Variants in TMC8 observed in about 807,000 individuals in gnomAD.
TMC8 encodes the protein transmembrane channel like 8.
In TMC8, 71 loss-of-function variants were observed where a neutral mutation model predicts 76.0. The ratio of observed to expected loss-of-function variants is 0.93; its 90% CI spans 0.77 to 1.14. The LOEUF (loss-of-function observed/expected upper bound fraction) is 1.14. Ranked by LOEUF, TMC8 falls within the 50% of genes most tolerant of loss-of-function variation. The pLI is 0.00. For missense variants in TMC8, 924 were observed against 947.9 expected (o/e 0.97, Z 0.33); for synonymous variants, 433 against 433.8 (o/e 1.00, Z 0.02).
intron 14 of TMC8, 196 bp downstream of exon 14, chr17:78,138,928 G>A (rs771824381): frequency 1.3e-6 from 2 of 1,536,416 alleles, no homozygotes; most frequent in South Asian, 2.4e-5. Flanking sequence ...CACTGGGGAA[G>A]CACCGTGTCT....
intron 6 of TMC8, 118 bp from the exon 7 acceptor site, chr17:78,133,735 T>C: frequency 1.3e-6 from 2 of 1,555,090 alleles, no homozygotes; most frequent in Non-Finnish European, 1.8e-6. Flanking sequence ...GACTCCTCAC[T>C]CACCAGGACC....
intron 12 of TMC8, 21 bp from the exon 13 acceptor site, chr17:78,138,328 T>G (rs1390305643): frequency 6.2e-7 from 1 of 1,610,628 alleles, no homozygotes; most frequent in Admixed American, 1.7e-5. Context: ...GACTCCTGGT[T>G]GCTATTGCTT....
chr17:78,134,364 A>G, intron 7 of TMC8, 30 bp from the exon 8 acceptor site: 1 of 1,604,822 alleles, frequency 6.2e-7, no homozygotes, highest in Middle Eastern at 1.7e-4. Flanking sequence ...CCCCGCCTGC[A>G]GCTGCCTCTG....
At chr17:78,132,565 G>A (rs1340978225) in intron 4 of TMC8, 57 bp downstream of exon 4, 3 of 1,573,224 alleles carry the variant, frequency 1.9e-6, no homozygotes, top group East Asian at 2.3e-5. Flanking sequence ...CCATGGGGGG[G>A]CTGGCCCAGG....
Position 78,131,369 on chromosome 17 carries a change from T to A in TMC8, c.-220T>A. Reference sequence around the variant, plus strand: ...TCGACCGCAGCAGGATTCTCTCTCATTTCTGAGCCCCGGAGGTGGCAGAGC... The same window carrying A: ...TCGACCGCAGCAGGATTCTCTCTCAATTCTGAGCCCCGGAGGTGGCAGAGC... On this transcript the variant is annotated 5_prime_UTR_variant, in exon 2 of 16. Coordinates refer to ENST00000318430, the MANE Select transcript of TMC8 (RefSeq NM_152468.5). 1 of 637,606 alleles carries A rather than the reference T, an allele frequency of 1.6e-6. No homozygotes were observed. Among genetic ancestry groups the A allele is most frequent in the Non-Finnish European group, 2.7e-6 (1 of 370,268 alleles). The allele number at this position is 637,606 out of a possible 1,614,324, so 39.5% of individuals were successfully genotyped here.
chr17:78,137,051 G>A (rs149218656), intron 9 of TMC8, 184 bp from the exon 10 acceptor site: 4 of 809,414 alleles, frequency 4.9e-6, no homozygotes, highest in East Asian at 2.9e-5. Flanking sequence ...CCCATGAATC[G>A]CCTGGAGACT....
At chr17:78,132,934 G>A (rs1598902757) in intron 5 of TMC8, 64 bp downstream of exon 5, 10 of 1,567,288 alleles carry the variant, frequency 6.4e-6, no homozygotes, top group Admixed American at 1.7e-5. Flanking sequence ...GGCTTCAGGG[G>A]ACACAAGTCT....
At position 78,139,237 on chromosome 17, in the gene TMC8, G is replaced by C. The variant is rs1396612990; in HGVS notation, c.1899G>C (p.Val633=). ...TCCACAGGCTCCGGAAGCAGCTGGT[G>C]TGGGTGAGTGTCCTCGGGGCTGGTG... The part of the protein sequence containing the change: ...RAIHRLRKQL[V]WQVQEKWHLV... The change falls in exon 15 of 16, where the codon GTG becomes GTC. Residue 633 remains valine (V), a synonymous_variant. Transcript: ENST00000318430. 1.2e-6 allele frequency: 2 copies of C among 1,613,370 alleles called. No individual in the cohort carries two copies. Among genetic ancestry groups the C allele is most frequent in the Non-Finnish European group, 8.5e-7 (1 of 1,180,020 alleles).
chr17:78,133,662 G>T, intron 6 of TMC8, 120 bp downstream of exon 6: 1 of 1,561,660 alleles, frequency 6.4e-7, no homozygotes, highest in Non-Finnish European at 8.7e-7. Context: ...CAGGCTCCTG[G>T]GTGCTTCCTC....
intron 3 of TMC8, 54 bp from the exon 4 acceptor site, chr17:78,132,305 G>GGCCC: frequency 1.9e-6 from 3 of 1,602,806 alleles, no homozygotes; most frequent in South Asian, 2.2e-5. Flanking sequence ...GACTCTCAGC[G>GGCCC]CGGCCCCAGC....
intron 15 of TMC8, 88 bp from the exon 16 acceptor site, chr17:78,140,746 T>C (rs2075355826): frequency 2.6e-6 from 4 of 1,528,974 alleles, no homozygotes; most frequent in African/African-American, 2.7e-5. Context: ...GGCTGGCCCA[T>C]GGGCCGCAGA....
rs1598910802 is a variant in TMC8, at chr17:78,134,439, A to C, written c.862A>C (p.Thr288Pro). 6.2e-7 allele frequency: 1 copy of C among 1,613,506 alleles called. No homozygotes were observed. Among genetic ancestry groups the C allele is most frequent in the Non-Finnish European group, 8.5e-7 (1 of 1,180,012 alleles). Reference sequence around the variant, plus strand: ...TCGCTTCCAGCTGATGCAGCAGCAGACCCGGGCCCAGACGGCCTGCCGCCT... The same window carrying C: ...TCGCTTCCAGCTGATGCAGCAGCAGCCCCGGGCCCAGACGGCCTGCCGCCT... ...GRRFQLMQQQTRAQTACRLLS... is the reference protein window; with the variant it reads ...GRRFQLMQQQPRAQTACRLLS... The change falls in exon 8 of 16, where the codon ACC (threonine) becomes CCC (proline). Residue 288 changes from threonine to proline, a missense_variant. Coordinates refer to ENST00000318430, the MANE Select transcript of TMC8 (RefSeq NM_152468.5).
At position 78,139,123 on chromosome 17, in the gene TMC8, C is replaced by T. The variant is rs1407612242; in HGVS notation, c.1824-39C>T. On this transcript the variant is annotated intron_variant, in intron 14 of 15. Transcript: ENST00000318430. Reference sequence around the variant, plus strand: ...GAAGTCAGGGAGAGGCGCCTGTGGCCCCAGGGGCAACTGACCACGAATCCC... The same window carrying T: ...GAAGTCAGGGAGAGGCGCCTGTGGCTCCAGGGGCAACTGACCACGAATCCC... The T allele has an allele frequency of 5.6e-6, 9 of 1,611,322 alleles. No individual in the cohort carries two copies. In the African/African-American group the frequency reaches 8.0e-5, roughly 14 times the overall value.
chr17:78,131,535 C>T lies in TMC8; in HGVS notation c.-54C>T. The stretch of plus-strand genomic sequence containing the variant: ...CTTAAGGCTCATCCAACCGGGGACT[C>T]ATATCCCCCCCACCGGCAGCCCGGC... On this transcript the variant is annotated 5_prime_UTR_variant, in exon 2 of 16. Transcript: ENST00000318430. The T allele has an allele frequency of 6.5e-7, 1 of 1,534,242 alleles. No homozygotes were observed. The highest frequency in any genetic ancestry group is 8.7e-7 in the Non-Finnish European group (1 of 1,144,852).
rs532478080 is a variant in TMC8 at position 78,138,031 on chromosome 17, G to A, written c.1376G>A (p.Arg459Gln). 61 of 1,614,030 alleles carry A rather than the reference G, an allele frequency of 3.8e-5. No homozygotes were observed. Among genetic ancestry groups the A allele is most frequent in the Admixed American group, 3.2e-4 (19 of 60,022 alleles). The change falls in exon 12 of 16, where the codon CGG becomes CAG. Residue 459 changes from arginine to glutamine, a missense_variant. By Grantham distance (43) the Arg-to-Gln change is conservative (BLOSUM62 1). Coordinates refer to ENST00000318430, the MANE Select transcript of TMC8 (RefSeq NM_152468.5). Reference sequence around the variant, plus strand: ...CTGCTGGTGGACCGGTTCTCAGGCCGGTTCTGGGCCTGGCTGGAACGGGAG... The same window carrying A: ...CTGCTGGTGGACCGGTTCTCAGGCCAGTTCTGGGCCTGGCTGGAACGGGAG... ...RRLLVDRFSGRFWAWLEREEF... is the reference protein window; with the variant it reads ...RRLLVDRFSGQFWAWLEREEF...
In TMC8 at chr17:78,131,312, C is replaced by G. The variant is rs1190979345; in HGVS notation, c.-277C>G. 2 of 565,258 alleles carry G rather than the reference C, an allele frequency of 3.5e-6. No individual in the cohort carries two copies. Among genetic ancestry groups the G allele is most frequent in the Admixed American group, 6.1e-5 (2 of 32,654 alleles). 35.0% of individuals were successfully genotyped at this position (565,258 alleles called of 1,614,324 possible). ...AGACTGAGGCCGTGGCTGTGTGTCC[C>G]TCTGAGAGTTGGAGCGGGGCTGGGC... On this transcript the variant is annotated 5_prime_UTR_variant, in exon 2 of 16. Coordinates refer to ENST00000318430, the MANE Select transcript of TMC8 (RefSeq NM_152468.5).
At chr17:78,134,779 C>T in intron 8 of TMC8, 91 bp from the exon 9 acceptor site, 1 of 1,598,148 alleles carries the variant, frequency 6.3e-7, no homozygotes, top group Non-Finnish European at 8.5e-7. Context: ...CTGGGCCTGC[C>T]CCAGAGTTAC....
chr17:78,131,822 C>G, intron 2 of TMC8, 60 bp from the exon 3 acceptor site: 1 of 1,500,084 alleles, frequency 6.7e-7, no homozygotes, highest in East Asian at 2.5e-5. Flanking sequence ...ACCCCGTCTG[C>G]TTGGCCCGGG....
Position 78,133,920 on chromosome 17 carries a change from GTCT to G in TMC8, c.740_742del (p.Phe247del). On this transcript the variant is annotated inframe_deletion, in exon 7 of 16. Transcript: ENST00000318430. ...CTATCAGGCGCCTCTCAGCGCCAAG[GTCT>G]TCTCCTCATGGGACTTCTGCATCCG... is the stretch of plus-strand genomic sequence containing the variant. The G allele has an allele frequency of 6.2e-7, 1 of 1,613,638 alleles. No homozygotes were observed. The highest frequency in any genetic ancestry group is 8.5e-7 in the Non-Finnish European group (1 of 1,180,040).
Sources: gnomAD v4.1 joint callset for allele counts on GRCh38, gnomAD v4.1.1 for gene constraint, MANE v1.5 for transcripts, NCBI Gene and HGNC (gene_info 2026-07-23, HGNC 2026-07-21) for gene names.